PIEZO2: variants seen among roughly 807,000 people sequenced by gnomAD.
PIEZO2 encodes piezo type mechanosensitive ion channel component 2, also known as piezo-type mechanosensitive ion channel component 2.
A neutral mutation model predicts 337.3 loss-of-function variants in PIEZO2; 172 were observed. The ratio of observed to expected loss-of-function variants is 0.51; its 90% confidence interval spans 0.45 to 0.58. The LOEUF (loss-of-function observed/expected upper bound fraction) is 0.58, where lower values mean the gene tolerates loss of function less well. Ranked by LOEUF, PIEZO2 falls within the 20% of genes least tolerant of loss-of-function variation. The pLI is 0.00. For missense variants in PIEZO2, 3,028 were observed against 3,391.3 expected (o/e 0.89, Z 2.66); for synonymous variants, 1,251 against 1,228.5 (o/e 1.02, Z -0.38).
chr18:10,706,292 C>T (rs1423235591), intron 40 of PIEZO2, among the ~76,000 whole-genome samples: 2 of 152,086 alleles, frequency 1.3e-5, no homozygotes, highest in African/African-American at 2.4e-5. Flanking sequence ...ATAAAAAATG[C>T]CACCCTTCTT....
chr18:10,677,654 T>C lies in PIEZO2; in HGVS notation c.8081+93A>G. 1 of 1,404,134 alleles carries C rather than the reference T, an allele frequency of 7.1e-7. No homozygotes were observed. Among genetic ancestry groups the C allele is most frequent in the South Asian group, 1.3e-5 (1 of 78,370 alleles). The allele number at this position is 1,404,134 out of a possible 1,614,324, so 87.0% of individuals were successfully genotyped here. A position where few individuals can be genotyped will look rare whatever the true frequency, so the allele number is the denominator to read the frequency against. On this transcript the variant is annotated intron_variant, in intron 53 of 55. Coordinates refer to ENST00000674853, the MANE Select transcript of PIEZO2 (RefSeq NM_001378183.1). The surrounding 1 kb of genome is among the most constrained non-coding windows in gnomAD (Gnocchi z 4.1). ...ACTTTGTGTTACCAAAGAATGAAGTTGCATTCCTCATACACATGAATCTGT... is the reference window on the plus strand; with the variant it reads ...ACTTTGTGTTACCAAAGAATGAAGTCGCATTCCTCATACACATGAATCTGT...
intron 2 of PIEZO2, among the ~76,000 whole-genome samples, chr18:11,065,668 G>A (rs186085646): frequency 2.0e-4 from 30 of 152,198 alleles, no homozygotes; most frequent in East Asian, 5.8e-4. Flanking sequence ...ACTAATGTAC[G>A]AAGTTATGGC....
chr18:11,060,969 AC>A (rs1183165053), intron 2 of PIEZO2, among the ~76,000 whole-genome samples: 1 of 152,212 alleles, frequency 6.6e-6, no homozygotes, highest in East Asian at 1.9e-4. Flanking sequence ...AGAATTTTAG[AC>A]CAATATCCCT....
At chr18:10,961,845 T>G (rs754286732) in intron 3 of PIEZO2, among the ~76,000 whole-genome samples, 2 of 152,180 alleles carry the variant, frequency 1.3e-5, no homozygotes, top group African/African-American at 4.8e-5. Context: ...GCTAGATAGC[T>G]CTTATATCTA....
At chr18:10,910,715 G>C (rs2030407885) in intron 4 of PIEZO2, among the ~76,000 whole-genome samples, 1 of 152,166 alleles carries the variant, frequency 6.6e-6, no homozygotes, top group Non-Finnish European at 1.5e-5. Context: ...TGCTGGTGTG[G>C]AGATGCTTTT....
rs372451685 is a variant in PIEZO2, at chr18:10,750,369, G to T, written c.4168-182C>A. ...TGCTTCAGGAGCAATGTAAATTCCT[G>T]GGAAAAATTAAACCTAACGAGGAAA... is the stretch of plus-strand genomic sequence containing the variant. On this transcript the variant is annotated intron_variant, in intron 28 of 55. Coordinates refer to ENST00000674853, the MANE Select transcript of PIEZO2 (RefSeq NM_001378183.1). This position sits in a 1 kb window ranked among gnomAD's most constrained non-coding sequence, Gnocchi z 4.1. 2.1e-4 allele frequency among the ~76,000 whole-genome samples: 32 copies of T among 152,238 alleles called. No individual in the cohort carries two copies. Among genetic ancestry groups the T allele is most frequent in the African/African-American group, 7.0e-4 (29 of 41,532 alleles).
Position 10,671,676 on chromosome 18 carries a change from C to T in PIEZO2, c.8449G>A (p.Val2817Met). Residue 2817 changes from valine to methionine, a missense_variant, in exon 56 of 56, where the codon GTG becomes ATG. Val to Met is a conservative substitution (Grantham distance 21, BLOSUM62 1). This residue lies in a region of PIEZO2 where 332 missense variants were observed against 363.8 expected (regional missense o/e 0.91). Coordinates refer to ENST00000674853, the MANE Select transcript of PIEZO2 (RefSeq NM_001378183.1). ...HSIMFEELPN[V>M]DRILKLCTDI... ...GTGCACAACTTCAAAATTCGATCCACATTTGGAAGCTCTTCAAACATGATG... is the reference window on the plus strand; with the variant it reads ...GTGCACAACTTCAAAATTCGATCCATATTTGGAAGCTCTTCAAACATGATG... The T allele has an allele frequency of 1.2e-6, 2 of 1,614,004 alleles. No individual in the cohort carries two copies. Among genetic ancestry groups the T allele is most frequent in the East Asian group, 2.2e-5 (1 of 44,844 alleles).
chr18:10,839,945 A>C (rs1451770240), intron 7 of PIEZO2, among the ~76,000 whole-genome samples: 2 of 152,222 alleles, frequency 1.3e-5, no homozygotes, highest in Non-Finnish European at 2.9e-5. Context: ...GCTGAGTCTC[A>C]CAAAAACTTG....
In PIEZO2 at chr18:11,092,044, C is replaced by T. The variant is rs1292466069; in HGVS notation, c.65-25822G>A. ...ATAAAAGACTCTTTGGAGGGTGTGGCAAATGTGGTCTTTGATGCAAGGCTT... is the reference window on the plus strand; with the variant it reads ...ATAAAAGACTCTTTGGAGGGTGTGGTAAATGTGGTCTTTGATGCAAGGCTT... On this transcript the variant is annotated intron_variant, in intron 1 of 55. Coordinates refer to ENST00000674853, the MANE Select transcript of PIEZO2 (RefSeq NM_001378183.1). This position sits in a 1 kb window ranked among gnomAD's most constrained non-coding sequence, Gnocchi z 4.5. Among the ~76,000 whole-genome samples the T allele has an allele frequency of 2.0e-5, 3 of 152,168 alleles. No homozygotes were observed. Among genetic ancestry groups the T allele is most frequent in the Non-Finnish European group, 4.4e-5 (3 of 68,026 alleles).
At chr18:10,782,895 C>T (rs931189665) in intron 17 of PIEZO2, among the ~76,000 whole-genome samples, 12 of 152,112 alleles carry the variant, frequency 7.9e-5, no homozygotes, top group East Asian at 5.8e-4. Context: ...TTTTCACATA[C>T]GCTAGGTCCA....
Position 10,744,492 on chromosome 18 carries a change from G to A in PIEZO2, c.4425-261C>T, listed in dbSNP as rs530398954. On this transcript the variant is annotated intron_variant, in intron 30 of 55. Transcript: ENST00000674853. ...AAGATCAGTAAAGAGAAAGTGTTTT[G>A]TATTCTCCAAGACATTGACACCCAC... is the stretch of plus-strand genomic sequence containing the variant. 5.3e-5 allele frequency among the ~76,000 whole-genome samples: 8 copies of A among 152,184 alleles called. No homozygotes were observed. The South Asian group carries it at 1.5e-3, about 28-fold the overall frequency.
chr18:10,717,938 C>A (rs1165922252), intron 37 of PIEZO2, among the ~76,000 whole-genome samples: 1 of 152,176 alleles, frequency 6.6e-6, no homozygotes, highest in Non-Finnish European at 1.5e-5. Flanking sequence ...CTAAAAGCCT[C>A]TTTCATAGGT....
At chr18:11,115,568 TATA>T (rs2039863706) in intron 1 of PIEZO2, among the ~76,000 whole-genome samples, 1 of 152,204 alleles carries the variant, frequency 6.6e-6, no homozygotes, top group Non-Finnish European at 1.5e-5. Flanking sequence ...AATATTATGA[TATA>T]ATACTAATAA....
chr18:10,838,338 T>C (rs2041084193), intron 7 of PIEZO2, among the ~76,000 whole-genome samples: 1 of 152,202 alleles, frequency 6.6e-6, no homozygotes, highest in Non-Finnish European at 1.5e-5. Context: ...CCCATAGATA[T>C]TTTATTTTGT....
rs2035171471 is a variant in PIEZO2, at chr18:10,993,105, C to G, written c.161-13445G>C. Among the ~76,000 whole-genome samples the G allele has an allele frequency of 6.6e-6, 1 of 152,322 alleles. No individual in the cohort carries two copies. The highest frequency in any genetic ancestry group is 1.5e-5 in the Non-Finnish European group (1 of 68,030). On this transcript the variant is annotated intron_variant, in intron 2 of 55. Transcript: ENST00000674853. This position sits in a 1 kb window ranked among gnomAD's most constrained non-coding sequence, Gnocchi z 5.0. ...CTGAGACTTTGCTGAAGCTGCTTAT[C>G]AGCTTAAGGAGATTTGGGGCTGAGA...
intron 9 of PIEZO2, among the ~76,000 whole-genome samples, chr18:10,802,286 T>C (rs955093905): frequency 3.3e-5 from 5 of 152,140 alleles, no homozygotes; most frequent in African/African-American, 9.7e-5. Context: ...TCTACCACAA[T>C]TTTAGGTCAG....
At chr18:10,696,618 C>G in intron 45 of PIEZO2, 79 bp from the exon 46 acceptor site, 1 of 1,489,692 alleles carries the variant, frequency 6.7e-7, no homozygotes, top group East Asian at 2.3e-5. Flanking sequence ...ACACTGCCAT[C>G]ATGCCACTCC....
intron 4 of PIEZO2, among the ~76,000 whole-genome samples, chr18:10,876,490 T>C (rs1360959798): frequency 6.6e-6 from 1 of 152,198 alleles, no homozygotes; most frequent in Non-Finnish European, 1.5e-5. Flanking sequence ...ATGTACATAA[T>C]TATACACCTA....
intron 47 of PIEZO2, among the ~76,000 whole-genome samples, chr18:10,693,356 T>TGTGTG (rs2034937855): frequency 1.1e-5 from 1 of 89,974 alleles, no homozygotes; most frequent in African/African-American, 3.5e-5. Flanking sequence ...AATCTGGATT[T>TGTGTG]TGTGTGTGTG....
Sources: allele counts gnomAD v4.1 joint callset (sites outside exome capture counted in the v4.1 genomes callset), GRCh38; gene constraint gnomAD v4.1.1; regional missense constraint gnomAD v4.1.1; non-coding constraint Gnocchi (gnomAD v3.1); transcripts MANE v1.5; gene names NCBI Gene and HGNC (gene_info 2026-07-23, HGNC 2026-07-21).